Variants in SORCS1 observed in about 807,000 individuals in gnomAD.
SORCS1 encodes sortilin related VPS10 domain containing receptor 1, also known as VPS10 domain-containing receptor SorCS1.
In SORCS1, 60 loss-of-function variants were observed where a neutral mutation model predicts 146.1. That is an observed-to-expected ratio of 0.41 (90% CI 0.33 to 0.51). The LOEUF (loss-of-function observed/expected upper bound fraction) is 0.51. SORCS1 is among the 20% of genes least tolerant of loss of function. The pLI, the probability that SORCS1 is intolerant of heterozygous loss-of-function variation, is 0.21. For missense variants in SORCS1, 1,352 were observed against 1,487.6 expected (o/e 0.91, Z 1.50); for synonymous variants, 637 against 584.0 (o/e 1.09, Z -1.31).
intron 24 of SORCS1, among the ~76,000 whole-genome samples, chr10:106,594,505 T>C (rs1248828657): frequency 6.6e-6 from 1 of 152,150 alleles, no homozygotes; most frequent in African/African-American, 2.4e-5. Flanking sequence ...CATAATGCAA[T>C]AATCAGTTAA....
intron 5 of SORCS1, among the ~76,000 whole-genome samples, chr10:106,745,415 A>C (rs1019952588): frequency 4.6e-5 from 7 of 152,038 alleles, no homozygotes; most frequent in Non-Finnish European, 1.0e-4. Context: ...CGTCTAAAAA[A>C]AAAAAAAGAA....
chr10:106,895,845 C>T (rs1202563833), intron 2 of SORCS1, among the ~76,000 whole-genome samples: 1 of 151,306 alleles, frequency 6.6e-6, no homozygotes, highest in Non-Finnish European at 1.5e-5. Flanking sequence ...CAACAATAGC[C>T]AACAATAGCC....
At chr10:106,741,796 G>A (rs10509817) in intron 5 of SORCS1, among the ~76,000 whole-genome samples, 32,083 of 151,924 alleles carry the variant, frequency 0.21, 4,114 homozygotes, top group East Asian at 0.47. Flanking sequence ...AAATAGCAGG[G>A]TTTCTAAGTT....
At chr10:106,707,544 G>A (rs986203967) in intron 7 of SORCS1, among the ~76,000 whole-genome samples, 8 of 152,104 alleles carry the variant, frequency 5.3e-5, no homozygotes, top group Non-Finnish European at 8.8e-5. Context: ...CTATTGCCCA[G>A]GGCTAGAGTG....
At chr10:106,821,077 CT>C (rs1947998498) in intron 3 of SORCS1, among the ~76,000 whole-genome samples, 1 of 152,178 alleles carries the variant, frequency 6.6e-6, no homozygotes, top group Non-Finnish European at 1.5e-5. Context: ...CGCAGATAGT[CT>C]ATTATGCTTA....
At chr10:106,842,143 T>C (rs1216535943) in intron 2 of SORCS1, among the ~76,000 whole-genome samples, 2 of 152,042 alleles carry the variant, frequency 1.3e-5, no homozygotes, top group African/African-American at 4.8e-5. Flanking sequence ...CAGCGTATCA[T>C]TTTTTTTATT....
At chr10:106,797,520 C>CTT (rs66978703) in intron 3 of SORCS1, among the ~76,000 whole-genome samples, 8 of 148,050 alleles carry the variant, frequency 5.4e-5, no homozygotes, top group Non-Finnish European at 7.5e-5. Context: ...TGAGGAGTTG[C>CTT]TTTTTTTTTT....
chr10:107,055,010 A>T (rs1299543263), intron 1 of SORCS1, among the ~76,000 whole-genome samples: 1 of 152,196 alleles, frequency 6.6e-6, no homozygotes, highest in African/African-American at 2.4e-5. Flanking sequence ...ATGAACACAG[A>T]TACCTCTGAT....
In SORCS1 at chr10:106,838,965, T is replaced by C. The variant is rs1385817666; in HGVS notation, c.627-9292A>G. 2.6e-5 allele frequency among the ~76,000 whole-genome samples: 4 copies of C among 152,142 alleles called. No individual in the cohort carries two copies. In the East Asian group the frequency reaches 7.7e-4, roughly 29 times the overall value. On this transcript the variant is annotated intron_variant, in intron 2 of 25. Transcript: ENST00000263054. Reference sequence around the variant, plus strand: ...CATGTAAGATGGCAAATTTAATCAATAAATATTATGTATGTTTTGACTGCT... The same window carrying C: ...CATGTAAGATGGCAAATTTAATCAACAAATATTATGTATGTTTTGACTGCT...
At chr10:106,974,621 A>G (rs779238279) in intron 1 of SORCS1, among the ~76,000 whole-genome samples, 1 of 152,190 alleles carries the variant, frequency 6.6e-6, no homozygotes, top group Non-Finnish European at 1.5e-5. Context: ...ACCAGAAACC[A>G]AAACCAGATT....
intron 1 of SORCS1, among the ~76,000 whole-genome samples, chr10:107,123,233 T>A (rs1966508990): frequency 6.6e-6 from 1 of 152,178 alleles, no homozygotes; most frequent in Non-Finnish European, 1.5e-5. Flanking sequence ...AATAAAATAA[T>A]TGGTACTTGT....
intron 2 of SORCS1, among the ~76,000 whole-genome samples, chr10:106,875,021 T>A (rs1950545436): frequency 6.6e-6 from 1 of 152,168 alleles, no homozygotes; most frequent in Admixed American, 6.5e-5. Flanking sequence ...ATGGATGAAT[T>A]ATATAGCGGT....
chr10:106,652,680 C>T (rs1849965035), intron 17 of SORCS1, 127 bp from the exon 18 acceptor site: 1 of 978,514 alleles, frequency 1.0e-6, no homozygotes, highest in African/African-American at 1.6e-5. Flanking sequence ...TTTCATGCTA[C>T]TATGAGGAGT....
intron 24 of SORCS1, among the ~76,000 whole-genome samples, chr10:106,588,254 T>C (rs931350440): frequency 3.9e-5 from 6 of 152,218 alleles, no homozygotes; most frequent in Non-Finnish European, 8.8e-5. Flanking sequence ...CATGTTTCAT[T>C]TTCTCCCCCT....
intron 1 of SORCS1, among the ~76,000 whole-genome samples, chr10:107,146,513 G>A (rs1473827263): frequency 1.3e-5 from 2 of 152,138 alleles, no homozygotes; most frequent in African/African-American, 2.4e-5. Context: ...AGCTTATGGA[G>A]GATCGAGGCT....
At chr10:106,610,293 T>C (rs1249000006) in intron 22 of SORCS1, among the ~76,000 whole-genome samples, 1 of 152,018 alleles carries the variant, frequency 6.6e-6, no homozygotes, top group Non-Finnish European at 1.5e-5. Flanking sequence ...CAAACCTTGA[T>C]GGTTTGACTC....
intron 6 of SORCS1, among the ~76,000 whole-genome samples, chr10:106,729,341 C>T (rs75265459): frequency 1.3e-5 from 2 of 152,154 alleles, no homozygotes; most frequent in African/African-American, 4.8e-5. Context: ...TGCAGCATAA[C>T]CACCCGGAGT....
intron 2 of SORCS1, among the ~76,000 whole-genome samples, chr10:106,850,871 G>A (rs566026043): frequency 6.6e-6 from 1 of 152,174 alleles, no homozygotes; most frequent in South Asian, 2.1e-4. Flanking sequence ...CACGCCCTAC[G>A]GCCCTATTCT....
chr10:107,092,896 A>C (rs1964297372), intron 1 of SORCS1, among the ~76,000 whole-genome samples: 2 of 151,804 alleles, frequency 1.3e-5, no homozygotes, highest in South Asian at 4.2e-4. Context: ...AAAAAAAAAA[A>C]AAAAAAAAAA....
Sources: gnomAD v4.1 joint callset for allele counts (sites outside exome capture counted in the v4.1 genomes callset) on GRCh38, gnomAD v4.1.1 for gene constraint, MANE v1.5 for transcripts, NCBI Gene and HGNC (gene_info 2026-07-23, HGNC 2026-07-21) for gene names.